Variants in SORBS2 observed in about 807,000 individuals in gnomAD.
SORBS2 encodes the protein sorbin and SH3 domain containing 2.
In SORBS2, 46 loss-of-function variants were observed where a neutral mutation model predicts 97.7. That is an observed-to-expected ratio of 0.47 (90% CI 0.37 to 0.60). SORBS2 has a LOEUF of 0.60. Among genes scored for constraint, SORBS2 ranks in the 20% least tolerant of loss-of-function variants. The probability of loss-of-function intolerance (pLI) is 0.00; values close to 1 mark genes in which losing one functional copy is unlikely to be tolerated. For synonymous variants in SORBS2, 476 were observed against 473.4 expected (o/e 1.01, Z -0.07); for missense variants, 1,316 against 1,282.3 (o/e 1.03, Z -0.40).
intron 2 of SORBS2, among the ~76,000 whole-genome samples, chr4:185,709,162 G>C (rs895874737): frequency 9.2e-5 from 14 of 152,190 alleles, no homozygotes; most frequent in Non-Finnish European, 1.9e-4. Context: ...GGGATTACAG[G>C]CATGCACCAC....
chr4:185,844,792 T>C (rs2099213591), intron 1 of SORBS2, among the ~76,000 whole-genome samples: 1 of 152,206 alleles, frequency 6.6e-6, no homozygotes, highest in Non-Finnish European at 1.5e-5. Flanking sequence ...AATGAAGTAC[T>C]GATACATGCT....
At position 185,768,701 on chromosome 4, in the gene SORBS2, A is replaced by AAAC. The variant is rs1553982984; in HGVS notation, c.-198+6525_-198+6526insGTT. Reference sequence around the variant, plus strand: ...GCAACAGAGTGAGACTCTGTCTCAAAAAAAAAAAAACAAAAAAACAAAAAA... The same window carrying AAAC: ...GCAACAGAGTGAGACTCTGTCTCAAAAACAAAAAAAAAACAAAAAAACAAAAAA... On this transcript the variant is annotated intron_variant, in intron 2 of 20. Transcript: ENST00000284776. 7.8e-3 allele frequency among the ~76,000 whole-genome samples: 859 copies of AAAC among 110,020 alleles called. 21 individuals carry two copies. The highest frequency in any genetic ancestry group is 0.032 in the African/African-American group (816 of 25,646). The allele number at this position is 110,020 out of a possible 152,430, so 72.2% of individuals were successfully genotyped here.
chr4:185,809,925 T>G (rs1324223632), intron 1 of SORBS2, among the ~76,000 whole-genome samples: 1 of 152,220 alleles, frequency 6.6e-6, no homozygotes, highest in African/African-American at 2.4e-5. Context: ...GTCTTTGCAC[T>G]GTGTCAATTC....
At chr4:185,952,167 G>A (rs2099277536) in intron 1 of SORBS2, among the ~76,000 whole-genome samples, 2 of 152,192 alleles carry the variant, frequency 1.3e-5, no homozygotes, top group South Asian at 4.2e-4. Context: ...TGGGATCACA[G>A]GCGTGTGCCA....
At chr4:185,719,309 G>A (rs972812055) in intron 2 of SORBS2, among the ~76,000 whole-genome samples, 5 of 152,148 alleles carry the variant, frequency 3.3e-5, no homozygotes, top group South Asian at 4.1e-4. Flanking sequence ...CAGACTTGCC[G>A]GTAGGTACTC....
At chr4:185,631,232 A>G (rs975421349) in intron 4 of SORBS2, among the ~76,000 whole-genome samples, 2 of 152,258 alleles carry the variant, frequency 1.3e-5, no homozygotes, top group Non-Finnish European at 2.9e-5. Flanking sequence ...AGGTGAGTTC[A>G]GGGCTAGTTT....
At chr4:185,638,238 AACTC>A in intron 4 of SORBS2, 76 bp from the exon 15 acceptor site, 1 of 888,698 alleles carries the variant, frequency 1.1e-6, no homozygotes, top group Non-Finnish European at 1.9e-6. Flanking sequence ...TGGCATGAAA[AACTC>A]ACGCGCGCAT....
At chr4:185,875,068 G>A (rs909487838) in intron 1 of SORBS2, among the ~76,000 whole-genome samples, 1 of 152,198 alleles carries the variant, frequency 6.6e-6, no homozygotes, top group South Asian at 2.1e-4. Flanking sequence ...CTAATACCAG[G>A]AAGTATGTCC....
At chr4:185,641,725 C>T (rs1287742375) in intron 4 of SORBS2, among the ~76,000 whole-genome samples, 1 of 151,060 alleles carries the variant, frequency 6.6e-6, no homozygotes, top group Admixed American at 6.6e-5. Flanking sequence ...TCTTTCTAGC[C>T]TTGGTGTGAT....
At chr4:185,753,736 C>A (rs1053079943) in intron 2 of SORBS2, among the ~76,000 whole-genome samples, 1 of 152,094 alleles carries the variant, frequency 6.6e-6, no homozygotes, top group Non-Finnish European at 1.5e-5. Flanking sequence ...AAGTGAAATT[C>A]TCTGGTGTTT....
intron 1 of SORBS2, among the ~76,000 whole-genome samples, chr4:185,819,950 C>T (rs1330874155): frequency 6.6e-6 from 1 of 152,220 alleles, no homozygotes; most frequent in African/African-American, 2.4e-5. Context: ...CTTTGTGCTT[C>T]TGTTTCCTCA....
chr4:185,865,512 A>G (rs56223023), intron 1 of SORBS2, among the ~76,000 whole-genome samples: 61,375 of 152,054 alleles, frequency 0.4, 12,809 homozygotes, highest in Middle Eastern at 0.47. Context: ...CAACAAAAAT[A>G]AGAACAAAAC....
intron 1 of SORBS2, among the ~76,000 whole-genome samples, chr4:185,853,532 C>A (rs1402832844): frequency 6.6e-6 from 1 of 152,060 alleles, no homozygotes; most frequent in Non-Finnish European, 1.5e-5. Flanking sequence ...AAAAGGAGAA[C>A]ATGAGAGGGA....
chr4:185,784,758 C>G (rs2099048264), intron 1 of SORBS2, among the ~76,000 whole-genome samples: 1 of 152,190 alleles, frequency 6.6e-6, no homozygotes, highest in Non-Finnish European at 1.5e-5. Context: ...AAAAATACTT[C>G]CAGAAGTTTT....
intron 2 of SORBS2, among the ~76,000 whole-genome samples, chr4:185,755,584 T>A (rs1014427947): frequency 6.6e-6 from 1 of 152,176 alleles, no homozygotes; most frequent in Non-Finnish European, 1.5e-5. Context: ...CTGGCAGGCA[T>A]AGCAGGAGAC....
At chr4:185,750,558 T>G (rs1021076986) in intron 2 of SORBS2, among the ~76,000 whole-genome samples, 1 of 152,248 alleles carries the variant, frequency 6.6e-6, no homozygotes, top group Admixed American at 6.5e-5. Flanking sequence ...ATTGCTGCTG[T>G]GCAGTCCCCA....
intron 4 of SORBS2, among the ~76,000 whole-genome samples, chr4:185,644,861 A>G (rs968831826): frequency 6.6e-6 from 1 of 152,220 alleles, no homozygotes; most frequent in Non-Finnish European, 1.5e-5. Flanking sequence ...GATAGGGTCA[A>G]TGTATAAACC....
intron 4 of SORBS2, among the ~76,000 whole-genome samples, chr4:185,664,143 C>T (rs113864900): frequency 3.3e-5 from 5 of 152,160 alleles, no homozygotes; most frequent in South Asian, 2.1e-4. Flanking sequence ...CGTGAGCCAC[C>T]GCGCCCGGCC....
chr4:185,612,765 C>G (rs947234556), intron 11 of SORBS2, among the ~76,000 whole-genome samples: 1 of 152,024 alleles, frequency 6.6e-6, no homozygotes, highest in Non-Finnish European at 1.5e-5. Context: ...GCTGGGATTG[C>G]AGGCATGAGC....
Sources: gnomAD v4.1 joint callset for allele counts (sites outside exome capture counted in the v4.1 genomes callset) on GRCh38, gnomAD v4.1.1 for gene constraint, MANE v1.5 for transcripts, NCBI Gene and HGNC (gene_info 2026-07-23, HGNC 2026-07-21) for gene names.